The following CDC42BPA variants were observed in gnomAD, a reference collection of about 807,000 sequenced individuals.
CDC42BPA encodes CDC42 binding protein kinase alpha, also known as serine/threonine-protein kinase MRCK alpha.
Under a neutral mutation model 223.5 loss-of-function variants are expected in CDC42BPA, and 80 were observed. The observed-to-expected ratio is 0.36, with a 90% CI of 0.30 to 0.43. The LOEUF (loss-of-function observed/expected upper bound fraction) is 0.43, where lower values mean the gene tolerates loss of function less well. Among genes scored for constraint, CDC42BPA ranks in the 20% least tolerant of loss-of-function variants. CDC42BPA has a pLI of 1.00. For missense variants in CDC42BPA, 1,743 were observed against 2,099.9 expected (o/e 0.83, Z 3.32); for synonymous variants, 694 against 718.6 (o/e 0.97, Z 0.55).
intron 2 of CDC42BPA, among the ~76,000 whole-genome samples, chr1:227,250,594 TTA>T (rs1310947343): frequency 1.3e-5 from 2 of 152,028 alleles, no homozygotes; most frequent in East Asian, 1.9e-4. Context: ...ATCCATCGAG[TTA>T]TATGTGTGTA....
At position 226,991,987 on chromosome 1, in the gene CDC42BPA, A is replaced by C; in HGVS notation, c.*2281T>G. 5.7e-5 allele frequency: 4 copies of C among 70,700 alleles called. No homozygotes were observed. The highest frequency in any genetic ancestry group is 5.8e-4 in the East Asian group (1 of 1,734). 4.4% of individuals were successfully genotyped at this position (70,700 alleles called of 1,614,324 possible). A position where few individuals can be genotyped will look rare whatever the true frequency, so the allele number is the denominator to read the frequency against. On this transcript the variant is annotated 3_prime_UTR_variant, in exon 37 of 37. Coordinates refer to ENST00000366766, the MANE Select transcript of CDC42BPA (RefSeq NM_001394014.1). ...GAGGGTGGGGATGGGGAGGGTGGGA[A>C]GAGTGAGGAGGAGAGGAGGGGAGGG... is the stretch of plus-strand genomic sequence containing the variant.
intron 6 of CDC42BPA, among the ~76,000 whole-genome samples, chr1:227,154,128 A>T (rs1662293835): frequency 6.6e-6 from 1 of 152,014 alleles, no homozygotes. Flanking sequence ...TTAACAATGG[A>T]AAAGCTGTCA....
At chr1:227,068,628 C>A in intron 21 of CDC42BPA, 3 of 1,074,484 alleles carry the variant, frequency 2.8e-6, no homozygotes, top group South Asian at 1.9e-5. Context: ...CTGAAGGATG[C>A]ATTGGTTTGA....
At chr1:227,099,567 A>C (rs928542268) in intron 15 of CDC42BPA, among the ~76,000 whole-genome samples, 4 of 152,162 alleles carry the variant, frequency 2.6e-5, no homozygotes, top group African/African-American at 9.7e-5. Flanking sequence ...CTATGCATCC[A>C]CTAAATATGA....
intron 10 of CDC42BPA, among the ~76,000 whole-genome samples, chr1:227,138,922 C>T (rs532337317): frequency 2.6e-4 from 39 of 152,108 alleles, no homozygotes; most frequent in African/African-American, 8.9e-4. Flanking sequence ...CGGTGATAGA[C>T]TTGTAGGTAA....
chr1:227,033,018 T>TA lies in CDC42BPA; in HGVS notation c.3558+315dup, dbSNP rs201346098. On this transcript the variant is annotated intron_variant, in intron 27 of 36. Coordinates refer to ENST00000366766, the MANE Select transcript of CDC42BPA (RefSeq NM_001394014.1). ...TTCAAGACAGACATTTTTATTTTTTTAAAAACTTGAGAAACCTCACACTTA... is the reference window on the plus strand; with the variant it reads ...TTCAAGACAGACATTTTTATTTTTTTAAAAAACTTGAGAAACCTCACACTTA... Among the ~76,000 whole-genome samples, 588 of 152,336 alleles carry TA rather than the reference T, an allele frequency of 3.9e-3. 15 individuals are homozygous for TA. Among genetic ancestry groups the TA allele is most frequent in the Admixed American group, 0.033 (508 of 15,298 alleles).
At chr1:227,053,417 G>A (rs1673937984) in intron 21 of CDC42BPA, among the ~76,000 whole-genome samples, 1 of 152,108 alleles carries the variant, frequency 6.6e-6, no homozygotes, top group African/African-American at 2.4e-5. Context: ...GGAGAAGAAG[G>A]GTGAAGGCAT....
intron 2 of CDC42BPA, among the ~76,000 whole-genome samples, chr1:227,242,093 C>T (rs1680124254): frequency 1.3e-5 from 2 of 151,830 alleles, no homozygotes; most frequent in Non-Finnish European, 2.9e-5. Context: ...TATTAAAAGG[C>T]CAACTGAATT....
intron 26 of CDC42BPA, 45 bp downstream of exon 26, chr1:227,034,610 T>G: frequency 1.3e-6 from 2 of 1,527,054 alleles, no homozygotes; most frequent in Non-Finnish European, 1.8e-6. Context: ...ACTTTAAAAT[T>G]CCTATGTTGC....
At chr1:227,121,300 T>A (rs1409791121) in intron 11 of CDC42BPA, among the ~76,000 whole-genome samples, 2 of 152,236 alleles carry the variant, frequency 1.3e-5, no homozygotes, top group African/African-American at 4.8e-5. Context: ...GTGTTGTATA[T>A]TGTTGAGACT....
chr1:227,026,018 C>T (rs1465250735), intron 31 of CDC42BPA, 37 bp downstream of exon 31: 2 of 1,104,996 alleles, frequency 1.8e-6, no homozygotes, highest in African/African-American at 1.6e-5. Context: ...TTCACTTATA[C>T]TCAGTTGGCT....
rs899906804 is a variant in CDC42BPA, at chr1:227,176,222, A to G, written c.600-15586T>C. On this transcript the variant is annotated intron_variant, in intron 5 of 36. Transcript: ENST00000366766. ...CCCGCCTTGGCCTCTCAAAGTGCTA[A>G]TATTACAGGTGTGAGCCACCATGCC... 7.2e-5 allele frequency among the ~76,000 whole-genome samples: 11 copies of G among 152,098 alleles called. No homozygotes were observed. In the South Asian group the frequency reaches 1.2e-3, roughly 17 times the overall value.
chr1:227,170,399 T>C (rs1293176506), intron 5 of CDC42BPA, among the ~76,000 whole-genome samples: 1 of 149,568 alleles, frequency 6.7e-6, no homozygotes, highest in Non-Finnish European at 1.5e-5. Flanking sequence ...TCATGCTGCA[T>C]AGAGAAGATA....
chr1:227,112,525 A>G, intron 13 of CDC42BPA, 103 bp from the exon 14 acceptor site: 2 of 1,012,452 alleles, frequency 2.0e-6, no homozygotes, highest in South Asian at 5.0e-5. Flanking sequence ...AGATAATTCA[A>G]ATGTTTAAAT....
chr1:227,132,071 T>C (rs1657225629), intron 10 of CDC42BPA, among the ~76,000 whole-genome samples: 1 of 151,978 alleles, frequency 6.6e-6, no homozygotes, highest in South Asian at 2.1e-4. Context: ...TGTGAAAAAA[T>C]TACCTCACCC....
At chr1:227,015,708 A>T (rs1666084520) in intron 34 of CDC42BPA, among the ~76,000 whole-genome samples, 2 of 151,920 alleles carry the variant, frequency 1.3e-5, no homozygotes, top group African/African-American at 4.8e-5. Flanking sequence ...AGAGTAGGCC[A>T]AATATCTGTA....
intron 2 of CDC42BPA, chr1:227,235,350 A>T (rs1158004013): frequency 6.6e-6 from 1 of 152,210 alleles, no homozygotes; most frequent in East Asian, 1.9e-4. Context: ...CAGTACTAGA[A>T]AAAGTTTTAG....
intron 5 of CDC42BPA, among the ~76,000 whole-genome samples, chr1:227,179,105 T>C (rs1430138476): frequency 6.6e-6 from 1 of 152,166 alleles, no homozygotes; most frequent in African/African-American, 2.4e-5. Context: ...ATTTCATTTA[T>C]AGGCAATGTC....
At chr1:227,118,401 T>C (rs1177373132) in intron 12 of CDC42BPA, among the ~76,000 whole-genome samples, 5 of 152,156 alleles carry the variant, frequency 3.3e-5, no homozygotes, top group Admixed American at 6.5e-5. Context: ...AGACAAAGGA[T>C]AACAAGTGTT....
Sources: allele counts gnomAD v4.1 joint callset (sites outside exome capture counted in the v4.1 genomes callset), GRCh38; gene constraint gnomAD v4.1.1; transcripts MANE v1.5; gene names NCBI Gene and HGNC (gene_info 2026-07-23, HGNC 2026-07-21).